NEBL: variants seen among roughly 807,000 people sequenced by gnomAD.
NEBL encodes LIM and SH3 protein 2.
A neutral mutation model predicts 140.2 loss-of-function variants in NEBL; 122 were observed. That is an observed-to-expected ratio of 0.87 (90% CI 0.75 to 1.01). The LOEUF is 1.01. Ranked by LOEUF, NEBL falls within the 50% of genes least tolerant of loss-of-function variation. The probability of loss-of-function intolerance (pLI) is 0.00; values close to 1 mark genes in which losing one functional copy is unlikely to be tolerated. For synonymous variants in NEBL, 436 were observed against 398.9 expected (o/e 1.09, Z -1.11); for missense variants, 1,365 against 1,231.3 (o/e 1.11, Z -1.62).
intron 2 of NEBL, among the ~76,000 whole-genome samples, chr10:21,134,362 C>G (rs1257167470): frequency 6.6e-6 from 1 of 152,162 alleles, no homozygotes; most frequent in Non-Finnish European, 1.5e-5. Flanking sequence ...TTATTTTCTA[C>G]AGTATTTTTG....
chr10:20,919,240 T>C (rs574243314), intron 4 of NEBL, among the ~76,000 whole-genome samples: 5 of 152,276 alleles, frequency 3.3e-5, no homozygotes, highest in African/African-American at 1.2e-4. Context: ...TTTTAGAAAA[T>C]TATGCAACGT....
chr10:20,835,834 A>T (rs1449886283), intron 13 of NEBL, among the ~76,000 whole-genome samples: 1 of 152,214 alleles, frequency 6.6e-6, no homozygotes, highest in East Asian at 1.9e-4. Context: ...AAAGCTCCAA[A>T]AATGTTTAGT....
intron 9 of NEBL, among the ~76,000 whole-genome samples, chr10:20,856,227 G>A (rs137890117): frequency 1.4e-3 from 208 of 152,252 alleles, no homozygotes; most frequent in African/African-American, 3.8e-3. Context: ...AATAAGTAAC[G>A]TATGACTTTG....
intron 4 of NEBL, among the ~76,000 whole-genome samples, chr10:20,922,281 C>T (rs931793369): frequency 6.6e-6 from 1 of 152,142 alleles, no homozygotes; most frequent in Non-Finnish European, 1.5e-5. Flanking sequence ...CAAATATAGG[C>T]CCTCCCTCCA....
intron 2 of NEBL, among the ~76,000 whole-genome samples, chr10:21,081,180 T>C (rs1836352944): frequency 1.3e-5 from 2 of 152,160 alleles, no homozygotes; most frequent in Non-Finnish European, 2.9e-5. Context: ...AATAGTCACA[T>C]TCCAACCCCA....
At position 20,859,656 on chromosome 10, in the gene NEBL, T is replaced by TA. The variant is rs1021459295; in HGVS notation, c.798+56dup. 344 of 1,189,044 alleles carry TA rather than the reference T, an allele frequency of 2.9e-4. 1 individual carries two copies. The highest frequency in any genetic ancestry group is 4.4e-4 in the Admixed American group (25 of 56,218). 73.7% of individuals were successfully genotyped at this position (1,189,044 alleles called of 1,614,324 possible). ...TCAGTAATTACAACACAGTCGATTC[T>TA]AAAAAAAACAAGAATCAAAAGATTT... On this transcript the variant is annotated intron_variant, in intron 8 of 27. Transcript: ENST00000377122.
intron 12 of NEBL, chr10:20,841,453 ATTAC>A (rs1841404289): frequency 6.5e-6 from 1 of 152,992 alleles, no homozygotes; most frequent in Non-Finnish European, 1.5e-5. Flanking sequence ...ATCCATCACA[ATTAC>A]TTTAGGTATT....
chr10:20,831,088 G>C, intron 16 of NEBL, 108 bp downstream of exon 16: 2 of 826,030 alleles, frequency 2.4e-6, no homozygotes, highest in East Asian at 5.0e-5. Context: ...GAGTACACTA[G>C]CTCTGAATGC....
chr10:21,010,796 T>C (rs1838309074), intron 3 of NEBL, among the ~76,000 whole-genome samples: 1 of 152,240 alleles, frequency 6.6e-6, no homozygotes, highest in Non-Finnish European at 1.5e-5. Flanking sequence ...CTGAGTTAAA[T>C]GATGAGTTGC....
chr10:21,050,410 G>T (rs1326563498), intron 2 of NEBL, among the ~76,000 whole-genome samples: 1 of 151,914 alleles, frequency 6.6e-6, no homozygotes, highest in East Asian at 1.9e-4. Flanking sequence ...CTTTTTACAG[G>T]TGAGAAAATT....
At chr10:20,893,507 TG>T (rs970252524) in intron 2 of NEBL, among the ~76,000 whole-genome samples, 1 of 151,680 alleles carries the variant, frequency 6.6e-6, no homozygotes, top group East Asian at 1.9e-4. Flanking sequence ...AGAAACTAGG[TG>T]GGGGGAGAAA....
chr10:20,899,157 T>C (rs1368744222), upstream of NEBL, among the ~76,000 whole-genome samples: 2 of 152,200 alleles, frequency 1.3e-5, no homozygotes, highest in African/African-American at 4.8e-5. Flanking sequence ...TTCCCTCAAG[T>C]CCTCTGCTGG....
At chr10:21,186,581 C>T (rs746772052) in intron 3 of NEBL, among the ~76,000 whole-genome samples, 40 of 152,140 alleles carry the variant, frequency 2.6e-4, no homozygotes, top group Admixed American at 1.8e-3. Context: ...CTACATGTCA[C>T]ATGCAGCCCA....
At chr10:21,049,906 G>A (rs1443335907) in intron 2 of NEBL, among the ~76,000 whole-genome samples, 3 of 152,098 alleles carry the variant, frequency 2.0e-5, no homozygotes, top group East Asian at 3.9e-4. Flanking sequence ...AAACCTCAAC[G>A]GGCTAGAAAA....
intron 2 of NEBL, among the ~76,000 whole-genome samples, chr10:21,062,182 A>G: frequency 6.6e-6 from 1 of 152,340 alleles, no homozygotes; most frequent in Non-Finnish European, 1.5e-5. Context: ...CAGCAGGTGC[A>G]ATGGGACAAA....
intron 3 of NEBL, among the ~76,000 whole-genome samples, chr10:20,985,802 T>A (rs527480628): frequency 2.0e-5 from 3 of 152,110 alleles, no homozygotes; most frequent in East Asian, 1.9e-4. Flanking sequence ...ATTATGTTTT[T>A]AAAAAAAACC....
chr10:20,835,408 C>A, intron 14 of NEBL, 105 bp downstream of exon 14: 1 of 894,008 alleles, frequency 1.1e-6, no homozygotes, highest in Non-Finnish European at 1.9e-6. Context: ...ACTGTTAAAC[C>A]AGCTGCAATG....
At chr10:20,939,923 A>C (rs1433619884) in intron 4 of NEBL, among the ~76,000 whole-genome samples, 2 of 152,152 alleles carry the variant, frequency 1.3e-5, no homozygotes, top group Non-Finnish European at 1.5e-5. Context: ...AGGAGCACCC[A>C]GATTCATAAA....
chr10:20,806,415 T>C (rs531656859), intron 26 of NEBL, among the ~76,000 whole-genome samples: 1 of 152,322 alleles, frequency 6.6e-6, no homozygotes, highest in South Asian at 2.1e-4. Context: ...TTCTGCCCTA[T>C]CCAATGCATG....
Sources: gnomAD v4.1 joint callset for allele counts (sites outside exome capture counted in the v4.1 genomes callset) on GRCh38, gnomAD v4.1.1 for gene constraint, MANE v1.5 for transcripts, NCBI Gene and HGNC (gene_info 2026-07-23, HGNC 2026-07-21) for gene names.